Variants in STK38 observed in about 807,000 individuals in gnomAD.
STK38 encodes serine/threonine kinase 38.
A neutral mutation model predicts 59.0 loss-of-function variants in STK38; 26 were observed. That is an observed-to-expected ratio of 0.44 (90% CI 0.32 to 0.61). STK38 has a LOEUF of 0.61. Among genes scored for constraint, STK38 ranks in the 20% least tolerant of loss-of-function variants. STK38 has a pLI of 0.04. For missense variants in STK38, 433 were observed against 566.0 expected (o/e 0.76, Z 2.38); for synonymous variants, 175 against 176.6 (o/e 0.99, Z 0.07).
chr6:36,540,436 C>A (rs1217953541), intron 1 of STK38, among the ~76,000 whole-genome samples: 1 of 152,202 alleles, frequency 6.6e-6, no homozygotes, highest in Non-Finnish European at 1.5e-5. Flanking sequence ...GAAACCGTCA[C>A]ACAGGCTTCT....
intron 9 of STK38, among the ~76,000 whole-genome samples, chr6:36,504,727 T>C (rs1006427357): frequency 2.0e-5 from 3 of 151,448 alleles, no homozygotes; most frequent in South Asian, 2.1e-4. Context: ...AATTGTGAAA[T>C]TGCTTTCCTT....
At position 36,536,185 on chromosome 6, in the gene STK38, T is replaced by C. The variant is rs535575512; in HGVS notation, c.131+3887A>G. On this transcript the variant is annotated intron_variant, in intron 2 of 13. Transcript: ENST00000229812. ...CAAGAAAAGTGCCAAAGCAATCTCA[T>C]GGGGGAAGATCTTTTCCACAAATGT... Among the ~76,000 whole-genome samples, 4 of 152,280 alleles carry C rather than the reference T, an allele frequency of 2.6e-5. No homozygotes were observed. The East Asian group carries it at 5.8e-4, about 22-fold the overall frequency.
intron 9 of STK38, among the ~76,000 whole-genome samples, chr6:36,501,483 A>G (rs921076164): frequency 3.9e-5 from 6 of 152,102 alleles, no homozygotes; most frequent in African/African-American, 1.4e-4. Flanking sequence ...AGGAACAGAC[A>G]ATACAATACA....
chr6:36,526,090 CAA>C (rs765804921), intron 2 of STK38, among the ~76,000 whole-genome samples: 2 of 152,148 alleles, frequency 1.3e-5, no homozygotes, highest in African/African-American at 2.4e-5. Flanking sequence ...CCTGACCTTC[CAA>C]AGTGTTGCGA....
intron 4 of STK38, among the ~76,000 whole-genome samples, chr6:36,522,837 C>A (rs1256139073): frequency 1.0e-5 from 1 of 99,206 alleles, no homozygotes; most frequent in African/African-American, 4.2e-5. Flanking sequence ...GCCTGGGCAA[C>A]AGAGCAAGAC....
At position 36,506,656 on chromosome 6, in the gene STK38, G is replaced by T; in HGVS notation, c.773-12C>A. 6.2e-7 allele frequency: 1 copy of T among 1,611,324 alleles called. No homozygotes were observed. The highest frequency in any genetic ancestry group is 1.1e-5 in the South Asian group (1 of 90,762). ...CATGTTCTGGAAAGCTGAAAGTAAAGAATACAAGCTGCAGTCAAAGTTCAG... is the reference window on the plus strand; with the variant it reads ...CATGTTCTGGAAAGCTGAAAGTAAATAATACAAGCTGCAGTCAAAGTTCAG... On this transcript the variant is annotated splice_polypyrimidine_tract_variant and intron_variant, in intron 8 of 13. Transcript: ENST00000229812.
chr6:36,532,996 C>A (rs1777703133), intron 2 of STK38, among the ~76,000 whole-genome samples: 1 of 150,086 alleles, frequency 6.7e-6, no homozygotes, highest in Middle Eastern at 3.2e-3. Context: ...TGCTTGAACC[C>A]AGGAGGTTGC....
At chr6:36,538,038 C>T (rs567535485) in intron 2 of STK38, among the ~76,000 whole-genome samples, 11 of 152,258 alleles carry the variant, frequency 7.2e-5, no homozygotes, top group South Asian at 4.1e-4. Context: ...CGGTGGCTCA[C>T]GCCTGTAATC....
At chr6:36,518,289 A>G (rs973737938) in intron 5 of STK38, among the ~76,000 whole-genome samples, 23 of 152,330 alleles carry the variant, frequency 1.5e-4, no homozygotes, top group African/African-American at 5.5e-4. Flanking sequence ...GAATGCTATG[A>G]TACCACAGCA....
At position 36,506,607 on chromosome 6, in the gene STK38, G is replaced by A; in HGVS notation, c.810C>T (p.Thr270=). 6.2e-7 allele frequency: 1 copy of A among 1,613,348 alleles called. No homozygotes were observed. The highest frequency in any genetic ancestry group is 1.1e-5 in the South Asian group (1 of 91,020). ...CTAGCTGACGTCTATTTCTTTTCCA[G>A]GTTTCTGCTTTCCTTTTGGAATTCA... ...QNMNSKRKAE[T]WKRNRRQLAF... The change falls in exon 9 of 14, where the codon ACC becomes ACT. Residue 270 remains threonine (T), a synonymous_variant. Transcript: ENST00000229812.
chr6:36,517,953 TGATGATATAAAA>T, intron 5 of STK38, 113 bp from the exon 6 acceptor site: 2 of 1,325,516 alleles, frequency 1.5e-6, no homozygotes, highest in Non-Finnish European at 2.0e-6. Context: ...TATTTAATCG[TGATGATATAAAA>T]GATCCAATTT....
At chr6:36,517,618 T>C (rs914942824) in intron 6 of STK38, 99 bp downstream of exon 6, 4 of 1,489,900 alleles carry the variant, frequency 2.7e-6, no homozygotes, top group Non-Finnish European at 3.6e-6. Context: ...AGCAACTTTG[T>C]GAGCACATTT....
intron 7 of STK38, among the ~76,000 whole-genome samples, chr6:36,509,113 C>T (rs528111360): frequency 3.1e-4 from 47 of 152,324 alleles, no homozygotes; most frequent in African/African-American, 9.9e-4. Context: ...TTTGTGTTAC[C>T]GCTCTTTCAG....
intron 4 of STK38, among the ~76,000 whole-genome samples, 188 bp downstream of exon 4, chr6:36,524,153 G>A (rs1451870815): frequency 6.6e-6 from 1 of 152,228 alleles, no homozygotes; most frequent in Non-Finnish European, 1.5e-5. Flanking sequence ...ACAGAGAACA[G>A]AGATCTGGGA....
intron 7 of STK38, among the ~76,000 whole-genome samples, chr6:36,514,238 C>T (rs930330385): frequency 2.0e-5 from 3 of 150,452 alleles, no homozygotes; most frequent in Non-Finnish European, 2.9e-5. Flanking sequence ...ATCCCTTGAA[C>T]CCAAGAATTA....
intron 7 of STK38, among the ~76,000 whole-genome samples, chr6:36,507,930 ATTTTT>A (rs35789250): frequency 4.4e-5 from 5 of 113,256 alleles, no homozygotes; most frequent in East Asian, 5.2e-4. Flanking sequence ...GGTATTCAGA[ATTTTT>A]TTTTTTTTTT....
intron 5 of STK38, among the ~76,000 whole-genome samples, chr6:36,520,543 A>T (rs990734612): frequency 2.0e-5 from 3 of 152,210 alleles, no homozygotes; most frequent in Admixed American, 1.3e-4. Flanking sequence ...AGATGCAAAC[A>T]TACTAATTAA....
At chr6:36,501,078 T>C (rs1033874344) in intron 9 of STK38, among the ~76,000 whole-genome samples, 1 of 151,742 alleles carries the variant, frequency 6.6e-6, no homozygotes, top group Admixed American at 6.6e-5. Context: ...TCAGCCACCA[T>C]AGTAGCTAGG....
At chr6:36,526,276 G>A (rs2239541) in intron 2 of STK38, among the ~76,000 whole-genome samples, 8,126 of 147,740 alleles carry the variant, frequency 0.055, 529 homozygotes, top group Admixed American at 0.17. Context: ...CAAAACAGCT[G>A]GTATTTGATA....
Sources: allele counts gnomAD v4.1 joint callset (sites outside exome capture counted in the v4.1 genomes callset), GRCh38; gene constraint gnomAD v4.1.1; transcripts MANE v1.5; gene names NCBI Gene and HGNC (gene_info 2026-07-23, HGNC 2026-07-21).